The following TSC2 variants were observed in gnomAD, a reference collection of about 807,000 sequenced individuals.
TSC2 encodes the protein TSC complex subunit 2.
In TSC2, 29 loss-of-function variants were observed where a neutral mutation model predicts 202.2. That is an observed-to-expected ratio of 0.14 (90% CI 0.11 to 0.20). TSC2 has a LOEUF of 0.20. Among genes scored for constraint, TSC2 ranks in the 10% least tolerant of loss-of-function variants. The pLI, the probability that TSC2 is intolerant of heterozygous loss-of-function variation, is 1.00. For synonymous variants in TSC2, 1,349 were observed against 1,044.0 expected (o/e 1.29, Z -5.63); for missense variants, 2,429 against 2,420.0 (o/e 1.00, Z -0.08).
chr16:2,072,375 G>A lies in TSC2; in HGVS notation c.2220+12G>A, dbSNP rs780039835. The stretch of plus-strand genomic sequence containing the variant: ...CTCTCTGCTCCATGGTACCATGGCC[G>A]GCCTGGGGTTGGGGTGGGGGACCCA... On this transcript the variant is annotated intron_variant, in intron 20 of 41. Coordinates refer to ENST00000219476, the MANE Select transcript of TSC2 (RefSeq NM_000548.5). 27 of 1,613,052 alleles carry A rather than the reference G, an allele frequency of 1.7e-5. No individual in the cohort carries two copies. Among genetic ancestry groups the A allele is most frequent in the African/African-American group, 1.2e-4 (9 of 74,922 alleles).
rs2089757856 is a variant in TSC2, at chr16:2,078,863, G to A, written c.2967-169G>A. On this transcript the variant is annotated intron_variant, in intron 26 of 41. Transcript: ENST00000219476. Reference sequence around the variant, plus strand: ...GCGTCTCCCCGTTCTCTGGGACAATGTGGTCCACGTGATTCTCAAGCTGAG... The same window carrying A: ...GCGTCTCCCCGTTCTCTGGGACAATATGGTCCACGTGATTCTCAAGCTGAG... 3 of 803,356 alleles carry A rather than the reference G, an allele frequency of 3.7e-6. No homozygotes were observed. The East Asian group carries it at 7.8e-5, about 21-fold the overall frequency. 49.8% of individuals were successfully genotyped at this position (803,356 alleles called of 1,614,324 possible).
rs768864105 is a variant in TSC2 at position 2,079,068 on chromosome 16, G to A, written c.3003G>A (p.Gly1001=). ...IQTSLTSASL[G]SADENSVAQA... ...CGTCCCTCACCAGTGCCAGCTTGGGGTCTGCAGATGAGAACTCCGTGGCCC... is the reference window on the plus strand; with the variant it reads ...CGTCCCTCACCAGTGCCAGCTTGGGATCTGCAGATGAGAACTCCGTGGCCC... Residue 1001 remains glycine, a synonymous_variant, in exon 27 of 42, where the codon GGG becomes GGA. Coordinates refer to ENST00000219476, the MANE Select transcript of TSC2 (RefSeq NM_000548.5). The surrounding 1 kb of genome is among the most constrained non-coding windows in gnomAD (Gnocchi z 4.6). The A allele has an allele frequency of 5.6e-6, 9 of 1,612,972 alleles. No homozygotes were observed. In the South Asian group the frequency reaches 9.9e-5, roughly 18 times the overall value.
At chr16:2,057,760 G>A (rs2086056185) in intron 9 of TSC2, among the ~76,000 whole-genome samples, 1 of 152,066 alleles carries the variant, frequency 6.6e-6, no homozygotes, top group South Asian at 2.1e-4. Flanking sequence ...CAGGCCCTGG[G>A]GCCAGCCCTG....
At chr16:2,059,111 C>T (rs1339685562) in intron 10 of TSC2, among the ~76,000 whole-genome samples, 6 of 151,686 alleles carry the variant, frequency 4.0e-5, no homozygotes, top group Admixed American at 2.6e-4. Context: ...CTCCGCCTCC[C>T]GGATTCAAGT....
At chr16:2,054,952 T>G in intron 5 of TSC2, 1 of 332,404 alleles carries the variant, frequency 3.0e-6, no homozygotes, top group East Asian at 7.7e-5. Flanking sequence ...CCTCAGTGGC[T>G]GGGCTGCCTG....
rs13332221 is a variant in TSC2 at position 2,088,397 on chromosome 16, C to T, written c.5260-49C>T. The T allele has an allele frequency of 0.11, 177,497 of 1,612,040 alleles. 14,145 individuals are homozygous for T. Among genetic ancestry groups the T allele is most frequent in the African/African-American group, 0.41 (30,330 of 74,882 alleles). On this transcript the variant is annotated intron_variant, in intron 41 of 41. Transcript: ENST00000219476. ...CTGTGGGGCGGGTGTGTGGGCAGAGCGGTTGCCACGCCTCCCAGACTTACT... is the reference window on the plus strand; with the variant it reads ...CTGTGGGGCGGGTGTGTGGGCAGAGTGGTTGCCACGCCTCCCAGACTTACT...
intron 16 of TSC2, chr16:2,068,491 C>G (rs2087719667): frequency 6.6e-6 from 1 of 152,178 alleles, no homozygotes; most frequent in Non-Finnish European, 1.5e-5. Context: ...TGACTAGAAG[C>G]CTTGCTGATA....
chr16:2,080,382 T>C lies in TSC2; in HGVS notation c.3610+5T>C, dbSNP rs2151463070. 3 of 1,610,834 alleles carry C rather than the reference T, an allele frequency of 1.9e-6. No individual in the cohort carries two copies. The highest frequency in any genetic ancestry group is 1.1e-5 in the South Asian group (1 of 91,000). Reference sequence around the variant, plus strand: ...TCCTGGTCCGGAGGCCCACAGGTACTGGGCGGGGCTGGCCTGAGCGCCATC... The same window carrying C: ...TCCTGGTCCGGAGGCCCACAGGTACCGGGCGGGGCTGGCCTGAGCGCCATC... On this transcript the variant is annotated splice_donor_5th_base_variant and intron_variant, in intron 30 of 41. Coordinates refer to ENST00000219476, the MANE Select transcript of TSC2 (RefSeq NM_000548.5).
At chr16:2,070,419 C>G in intron 16 of TSC2, 37 bp from the exon 17 acceptor site, 1 of 1,613,178 alleles carries the variant, frequency 6.2e-7, no homozygotes, top group Middle Eastern at 1.6e-4. Flanking sequence ...GCGTTTTCAC[C>G]TCCTGCGCCG....
chr16:2,076,205 G>A (rs2151390090), intron 24 of TSC2, 35 bp downstream of exon 24: 2 of 1,612,446 alleles, frequency 1.2e-6, no homozygotes, highest in Non-Finnish European at 1.7e-6. Context: ...GTGTCTCTCG[G>A]TAGGCCAGGG....
At chr16:2,054,079 C>G in intron 4 of TSC2, 1 of 655,514 alleles carries the variant, frequency 1.5e-6, no homozygotes, top group South Asian at 1.9e-5. Context: ...CGACACACAG[C>G]AGTTGCTCCC....
At chr16:2,076,216 C>T in intron 24 of TSC2, 46 bp downstream of exon 24, 1 of 1,611,368 alleles carries the variant, frequency 6.2e-7, no homozygotes, top group Non-Finnish European at 8.5e-7. Flanking sequence ...TAGGCCAGGG[C>T]TTGCTTTGCC....
Position 2,085,227 on chromosome 16 carries a change from C to T in TSC2, c.4570-3C>T, listed in dbSNP as rs1166715944. The T allele has an allele frequency of 3.1e-6, 5 of 1,612,580 alleles. No homozygotes were observed. In the African/African-American group the frequency reaches 5.3e-5, roughly 17 times the overall value. ...GGCTCAGGCAGGGCTCTGTGTGCCA[C>T]AGTCACAGTCCTTTGAGCGGTCGGT... On this transcript the variant is annotated splice_polypyrimidine_tract_variant and splice_region_variant and intron_variant, in intron 35 of 41. Coordinates refer to ENST00000219476, the MANE Select transcript of TSC2 (RefSeq NM_000548.5).
intron 10 of TSC2, among the ~76,000 whole-genome samples, chr16:2,059,430 C>T (rs971543073): frequency 4.1e-5 from 6 of 147,690 alleles, no homozygotes; most frequent in Non-Finnish European, 8.9e-5. Context: ...GCAACCTCTG[C>T]CTCCCCAGTT....
intron 36 of TSC2, 54 bp downstream of exon 36, chr16:2,085,376 C>G: frequency 1.3e-6 from 2 of 1,588,676 alleles, no homozygotes; most frequent in African/African-American, 1.3e-5. Context: ...GGGCCTCAGC[C>G]TGCAGTGGGT....
rs181482794 is a variant in TSC2, at chr16:2,081,963, G to T, written c.3814+165G>T. ...CCGGTGTTTGGGAGGAGGCTGACCCGTGGGAGGTGTCTGCCCTGCTCAGGA... is the reference window on the plus strand; with the variant it reads ...CCGGTGTTTGGGAGGAGGCTGACCCTTGGGAGGTGTCTGCCCTGCTCAGGA... On this transcript the variant is annotated intron_variant, in intron 31 of 41. Coordinates refer to ENST00000219476, the MANE Select transcript of TSC2 (RefSeq NM_000548.5). The T allele has an allele frequency of 5.9e-6, 6 of 1,012,304 alleles. No homozygotes were observed. In the African/African-American group the frequency reaches 9.5e-5, roughly 16 times the overall value. The allele number at this position is 1,012,304 out of a possible 1,614,324, so 62.7% of individuals were successfully genotyped here. A position where few individuals can be genotyped will look rare whatever the true frequency, so the allele number is the denominator to read the frequency against.
chr16:2,049,835 G>A (rs1190127877), intron 2 of TSC2, among the ~76,000 whole-genome samples: 1 of 151,670 alleles, frequency 6.6e-6, no homozygotes, highest in African/African-American at 2.4e-5. Context: ...AAAAAAAATT[G>A]TGCAGTTTGA....
rs771932622 is a variant in TSC2 at position 2,064,361 on chromosome 16, G to A, written c.1533G>A (p.Leu511=). Residue 511 remains leucine (L), a synonymous_variant, in exon 15 of 42, where the codon TTG becomes TTA. Coordinates refer to ENST00000219476, the MANE Select transcript of TSC2 (RefSeq NM_000548.5). The part of the protein sequence containing the change: ...DHQVRKLATQ[L]LVDLAEGCHT... ...AGGTCCGAAAGCTGGCCACCCAGTT[G>A]CTGGTGGACCTGGCAGAGGGCTGCC... 6.2e-7 allele frequency: 1 copy of A among 1,613,804 alleles called. No homozygotes were observed. The highest frequency in any genetic ancestry group is 8.5e-7 in the Non-Finnish European group (1 of 1,180,028).
chr16:2,054,418 C>T lies in TSC2; in HGVS notation c.459C>T (p.Ile153=). The T allele has an allele frequency of 1.2e-6, 2 of 1,614,230 alleles. No individual in the cohort carries two copies. The highest frequency in any genetic ancestry group is 1.7e-6 in the Non-Finnish European group (2 of 1,180,042). The change falls in exon 5 of 42, where the codon ATC becomes ATT. Residue 153 remains isoleucine (I), a synonymous_variant. Transcript: ENST00000219476. The stretch of plus-strand genomic sequence containing the variant: ...CCCTCACAGACAATGGGAGACACAT[C>T]ACCTACTTGGAGGAAGAGCTGGGTG... The part of the protein sequence containing the change: ...FKALTDNGRH[I]TYLEEELADF...
Sources: gnomAD v4.1 joint callset for allele counts (sites outside exome capture counted in the v4.1 genomes callset) on GRCh38, gnomAD v4.1.1 for gene constraint, Gnocchi (gnomAD v3.1) non-coding constraint, MANE v1.5 for transcripts, NCBI Gene and HGNC (gene_info 2026-07-23, HGNC 2026-07-21) for gene names.